The following MYO9A variants were observed in gnomAD, a reference collection of about 807,000 sequenced individuals.
MYO9A encodes unconventional myosin-IXa.
MYO9A carries 103 observed loss-of-function variants against 293.3 expected under a neutral mutation model. The observed-to-expected ratio is 0.35, with a 90% CI of 0.30 to 0.41. The LOEUF (loss-of-function observed/expected upper bound fraction) is 0.41, where lower values mean the gene tolerates loss of function less well. MYO9A is among the 10% of genes least tolerant of loss of function. The probability of loss-of-function intolerance (pLI) is 1.00; values close to 1 mark genes in which losing one functional copy is unlikely to be tolerated. For missense variants in MYO9A, 2,685 were observed against 3,033.0 expected, an observed-to-expected ratio of 0.89 and a Z score of 2.69; for synonymous variants, 1,001 against 1,035.7, an observed-to-expected ratio of 0.97 and a Z score of 0.64.
At chr15:72,105,392 T>TC (rs2080530282) in intron 1 of MYO9A, among the ~76,000 whole-genome samples, 1 of 151,994 alleles carries the variant, frequency 6.6e-6, no homozygotes, top group African/African-American at 2.4e-5. Context: ...CTTGGCTAGT[T>TC]CTTTTGTTTG....
intron 8 of MYO9A, among the ~76,000 whole-genome samples, chr15:72,002,939 T>C (rs2076909251): frequency 6.6e-6 from 1 of 152,120 alleles, no homozygotes; most frequent in East Asian, 1.9e-4. Context: ...ACAAGTAAAA[T>C]GTTAGAACTG....
At chr15:72,110,185 C>T (rs2080727699) in intron 1 of MYO9A, among the ~76,000 whole-genome samples, 1 of 151,596 alleles carries the variant, frequency 6.6e-6, no homozygotes, top group African/African-American at 2.4e-5. Flanking sequence ...CCTGTAATCC[C>T]AGCACTTTGG....
Position 71,826,487 on chromosome 15 carries a change from G to A in MYO9A, c.*93C>T, listed in dbSNP as rs955679135. The A allele has an allele frequency of 2.5e-6, 3 of 1,220,558 alleles. No homozygotes were observed. The African/African-American group carries it at 4.6e-5, about 19-fold the overall frequency. The allele number at this position is 1,220,558 out of a possible 1,614,324, so 75.6% of individuals were successfully genotyped here. A position where few individuals can be genotyped will look rare whatever the true frequency, so the allele number is the denominator to read the frequency against. ...AGAAAAGAGGCAGGACCACAATTAG[G>A]ATTGACTATTGTGGACGAGGTGATG... On this transcript the variant is annotated 3_prime_UTR_variant, in exon 42 of 42. Transcript: ENST00000356056.
At chr15:72,023,695 CAAAAAAAAAAAAA>C (rs368209775) in intron 4 of MYO9A, among the ~76,000 whole-genome samples, 1 of 51,304 alleles carries the variant, frequency 1.9e-5, no homozygotes, top group Admixed American at 2.1e-4. Flanking sequence ...AACTCTGTCT[CAAAAAAAAAAAAA>C]AAAAAGAAAA....
At chr15:71,943,379 T>C (rs1279311075) in intron 15 of MYO9A, among the ~76,000 whole-genome samples, 1 of 152,032 alleles carries the variant, frequency 6.6e-6, no homozygotes. Context: ...CATGCCAGTA[T>C]CTTCTATATT....
intron 21 of MYO9A, 42 bp from the exon 22 acceptor site, chr15:71,903,105 G>A: frequency 6.6e-7 from 1 of 1,512,204 alleles, no homozygotes; most frequent in Non-Finnish European, 9.1e-7. Flanking sequence ...AGAAAACAGT[G>A]TATGTAAACA....
chr15:72,030,706 T>C (rs2077836449), intron 3 of MYO9A, among the ~76,000 whole-genome samples: 2 of 152,114 alleles, frequency 1.3e-5, no homozygotes, highest in South Asian at 4.2e-4. Context: ...GTATTTTTAG[T>C]AGAGATGGGC....
chr15:71,880,473 A>G lies in MYO9A; in HGVS notation c.5484T>C (p.Pro1828=). 6.2e-7 allele frequency: 1 copy of G among 1,614,208 alleles called. No homozygotes were observed. ...TTCGCTTGCGCTTAGCCTTTGGAGA[A>G]GGTTCTTTGTTCTCTTTGAATTCCT... ...CRKEFKENKE[P]SPKAKRKRSV... Residue 1828 remains proline, a synonymous_variant, in exon 29 of 42, where the codon CCT becomes CCC. Transcript: ENST00000356056.
chr15:71,901,374 T>A, intron 22 of MYO9A, 34 bp from the exon 23 acceptor site: 2 of 1,580,096 alleles, frequency 1.3e-6, no homozygotes, highest in Admixed American at 3.8e-5. Context: ...GAATGCAGCT[T>A]AAGAAGAAAT....
chr15:71,830,462 CAT>C, intron 39 of MYO9A, 151 bp from the exon 40 acceptor site: 1 of 741,586 alleles, frequency 1.3e-6, no homozygotes, highest in Non-Finnish European at 2.2e-6. Context: ...TTTAGTGAGA[CAT>C]ATTCATACAA....
chr15:72,084,577 C>T (rs1406067585), intron 1 of MYO9A, among the ~76,000 whole-genome samples: 1 of 152,174 alleles, frequency 6.6e-6, no homozygotes, highest in Non-Finnish European at 1.5e-5. Context: ...GGTCTGAGTA[C>T]TTCAGTGTGT....
intron 1 of MYO9A, among the ~76,000 whole-genome samples, chr15:72,098,992 T>C (rs566852295): frequency 6.8e-6 from 1 of 147,926 alleles, no homozygotes; most frequent in Admixed American, 6.7e-5. Context: ...CAAAAATAAT[T>C]AAGAAATTAA....
intron 1 of MYO9A, among the ~76,000 whole-genome samples, chr15:72,084,747 C>G (rs1031264112): frequency 2.0e-5 from 3 of 152,168 alleles, no homozygotes; most frequent in African/African-American, 7.2e-5. Flanking sequence ...ATAAGAAATT[C>G]TTGGTTGGAA....
At chr15:72,013,211 A>G (rs2077225097) in intron 6 of MYO9A, among the ~76,000 whole-genome samples, 1 of 152,196 alleles carries the variant, frequency 6.6e-6, no homozygotes. Flanking sequence ...TTTAATCCCA[A>G]GGTTATCTCT....
chr15:71,930,732 C>T (rs911377154), intron 18 of MYO9A, among the ~76,000 whole-genome samples: 1 of 152,024 alleles, frequency 6.6e-6, no homozygotes, highest in Non-Finnish European at 1.5e-5. Context: ...TTTACTAGTG[C>T]CACTTTGTTC....
intron 15 of MYO9A, 136 bp downstream of exon 15, chr15:71,951,641 A>G (rs2059053391): frequency 1.1e-6 from 1 of 920,600 alleles, no homozygotes; most frequent in Non-Finnish European, 1.6e-6. Context: ...CTCAATAGAA[A>G]TATTCAAAGA....
At chr15:71,981,515 C>T (rs1034078547) in intron 11 of MYO9A, among the ~76,000 whole-genome samples, 2 of 152,050 alleles carry the variant, frequency 1.3e-5, no homozygotes, top group Non-Finnish European at 2.9e-5. Flanking sequence ...CTCTTTTGTT[C>T]GTATCATTTG....
intron 19 of MYO9A, 112 bp from the exon 20 acceptor site, chr15:71,905,118 T>C (rs938139601): frequency 8.5e-6 from 7 of 820,410 alleles, no homozygotes; most frequent in Admixed American, 2.9e-5. Context: ...GAGGTACACA[T>C]AGAAAGAGGT....
At chr15:71,837,177 T>TC (rs1474232340) in intron 39 of MYO9A, among the ~76,000 whole-genome samples, 1 of 152,034 alleles carries the variant, frequency 6.6e-6, no homozygotes, top group Admixed American at 6.6e-5. Context: ...AAAATAGAAA[T>TC]CCATGATCTA....
Sources: gnomAD v4.1 joint callset for allele counts (sites outside exome capture counted in the v4.1 genomes callset) on GRCh38, gnomAD v4.1.1 for gene constraint, MANE v1.5 for transcripts, NCBI Gene and HGNC (gene_info 2026-07-23, HGNC 2026-07-21) for gene names.